The following KIAA1671 variants were observed in gnomAD, a reference collection of about 807,000 sequenced individuals.
KIAA1671 encodes the protein uncharacterized protein KIAA1671.
Under a neutral mutation model 131.2 loss-of-function variants are expected in KIAA1671, and 52 were observed. The ratio of observed to expected loss-of-function variants is 0.40; its 90% CI spans 0.32 to 0.50. The LOEUF is 0.50. KIAA1671 is among the 20% of genes least tolerant of loss of function. KIAA1671 has a pLI of 0.73. For missense variants in KIAA1671, 2,360 were observed against 2,364.2 expected (o/e 1.00, Z 0.04); for synonymous variants, 1,003 against 961.6 (o/e 1.04, Z -0.80).
intron 1 of KIAA1671, among the ~76,000 whole-genome samples, chr22:24,989,307 C>T (rs770190292): frequency 2.0e-5 from 3 of 152,174 alleles, no homozygotes; most frequent in Non-Finnish European, 2.9e-5. Context: ...AGTTTATTCC[C>T]CACTGGGTGC....
intron 1 of KIAA1671, among the ~76,000 whole-genome samples, chr22:24,996,413 T>A (rs1418240666): frequency 6.6e-6 from 1 of 152,142 alleles, no homozygotes; most frequent in African/African-American, 2.4e-5. Context: ...GCCCCTGGGT[T>A]GGCCACTGGA....
chr22:24,992,470 T>C (rs1395721430), intron 1 of KIAA1671, among the ~76,000 whole-genome samples: 1 of 152,108 alleles, frequency 6.6e-6, no homozygotes, highest in Non-Finnish European at 1.5e-5. Context: ...TATCTCTGGC[T>C]CCTAGTACAG....
chr22:25,007,300 A>G (rs917159800), intron 1 of KIAA1671, among the ~76,000 whole-genome samples: 1 of 152,080 alleles, frequency 6.6e-6, no homozygotes. Context: ...ATCCTGGCCA[A>G]CATGGTGAAA....
intron 6 of KIAA1671, among the ~76,000 whole-genome samples, chr22:25,079,976 C>A (rs1400468252): frequency 1.3e-5 from 2 of 152,024 alleles, no homozygotes; most frequent in African/African-American, 4.8e-5. Flanking sequence ...GAGAAGTGGG[C>A]AGATTCTGGA....
intron 6 of KIAA1671, among the ~76,000 whole-genome samples, chr22:25,128,757 G>A (rs1932300484): frequency 6.6e-6 from 1 of 152,194 alleles, no homozygotes; most frequent in Non-Finnish European, 1.5e-5. Flanking sequence ...TAGACTCACA[G>A]ATCTCCATTT....
intron 6 of KIAA1671, chr22:25,055,924 A>T (rs1332732572): frequency 1.3e-5 from 2 of 149,516 alleles, no homozygotes; most frequent in African/African-American, 4.9e-5. Flanking sequence ...CGGTGGCATG[A>T]TCTCGGCTCA....
At chr22:25,164,074 C>T (rs1454978202) in intron 6 of KIAA1671, among the ~76,000 whole-genome samples, 5 of 152,210 alleles carry the variant, frequency 3.3e-5, no homozygotes, top group African/African-American at 9.7e-5. Context: ...AGAGTTCTCA[C>T]CTTCCAGTGG....
At chr22:24,991,525 C>T (rs1250010320) in intron 1 of KIAA1671, among the ~76,000 whole-genome samples, 2 of 150,944 alleles carry the variant, frequency 1.3e-5, no homozygotes, top group Non-Finnish European at 2.9e-5. Context: ...GGCAGGATCT[C>T]GGCTCACTGC....
At chr22:25,091,552 A>G (rs997814913) in intron 6 of KIAA1671, among the ~76,000 whole-genome samples, 1 of 152,200 alleles carries the variant, frequency 6.6e-6, no homozygotes, top group South Asian at 2.1e-4. Flanking sequence ...GAGAATGCCT[A>G]TTCTATATCA....
intron 6 of KIAA1671, among the ~76,000 whole-genome samples, chr22:25,152,171 G>C (rs1313584012): frequency 6.6e-6 from 1 of 152,180 alleles, no homozygotes; most frequent in Non-Finnish European, 1.5e-5. Context: ...TGGATACTTA[G>C]ATTGCTTCCA....
intron 6 of KIAA1671, among the ~76,000 whole-genome samples, chr22:25,108,525 G>A (rs1352041342): frequency 1.3e-5 from 2 of 152,186 alleles, no homozygotes; most frequent in East Asian, 3.8e-4. Flanking sequence ...CACTTTGGAT[G>A]CCAGAAGTCC....
At chr22:25,179,686 A>G in intron 9 of KIAA1671, 2 of 611,428 alleles carry the variant, frequency 3.3e-6, no homozygotes, top group South Asian at 4.0e-5. Flanking sequence ...TTTGAAGGTT[A>G]GTATATTAAT....
At chr22:25,005,631 G>T (rs754301502) in intron 1 of KIAA1671, among the ~76,000 whole-genome samples, 30 of 152,188 alleles carry the variant, frequency 2.0e-4, no homozygotes, top group Non-Finnish European at 4.0e-4. Context: ...CTGCCTCGTG[G>T]TAGTGTCCCC....
At position 24,983,774 on chromosome 22, in the gene KIAA1671, ATTTTTTTT is replaced by A. The variant is rs1164602658; in HGVS notation, c.-208+31016_-208+31023del. On this transcript the variant is annotated intron_variant, in intron 1 of 12. Coordinates refer to ENST00000358431, the MANE Select transcript of KIAA1671 (RefSeq NM_001145206.2). The stretch of plus-strand genomic sequence containing the variant: ...ATGGGGCCATGGAAAGGTGTTTGGA[ATTTTTTTT>A]TTTTTTTTTTTTTGAGACAGAGTTT... 6.0e-5 allele frequency among the ~76,000 whole-genome samples: 7 copies of A among 116,728 alleles called. No homozygotes were observed. In the South Asian group the frequency reaches 1.8e-3, roughly 30 times the overall value. 76.6% of individuals were successfully genotyped at this position (116,728 alleles called of 152,430 possible). A position where few individuals can be genotyped will look rare whatever the true frequency, so the allele number is the denominator to read the frequency against.
intron 4 of KIAA1671, among the ~76,000 whole-genome samples, chr22:25,034,929 G>A (rs1025175501): frequency 6.6e-6 from 1 of 151,568 alleles, no homozygotes; most frequent in South Asian, 2.1e-4. Flanking sequence ...AGTAGAGATG[G>A]GGTTTCACCG....
intron 1 of KIAA1671, among the ~76,000 whole-genome samples, chr22:24,989,608 T>C (rs980870186): frequency 6.6e-6 from 1 of 151,964 alleles, no homozygotes; most frequent in African/African-American, 2.4e-5. Context: ...TCAGGGGGGA[T>C]GCACTGGCCC....
chr22:25,093,824 T>TCTCTCTCTCTCTCTC (rs1555877745), intron 6 of KIAA1671, among the ~76,000 whole-genome samples: 2 of 21,920 alleles, frequency 9.1e-5, no homozygotes, highest in Admixed American at 8.8e-4. Context: ...CTCTCTCTCT[T>TCTCTCTCTCTCTCTC]TCTCTCTCTG....
At chr22:24,967,032 G>A (rs1399526937) in intron 1 of KIAA1671, among the ~76,000 whole-genome samples, 2 of 152,200 alleles carry the variant, frequency 1.3e-5, no homozygotes, top group Non-Finnish European at 2.9e-5. Flanking sequence ...CTTCTGTGCT[G>A]TGTGTTCTTG....
intron 11 of KIAA1671, 32 bp downstream of exon 11, chr22:25,185,151 C>G: frequency 2.6e-6 from 4 of 1,521,108 alleles, no homozygotes; most frequent in Non-Finnish European, 3.5e-6. Flanking sequence ...GGGTCCCTCT[C>G]CTTCCAAACT....
Sources: gnomAD v4.1 joint callset for allele counts (sites outside exome capture counted in the v4.1 genomes callset) on GRCh38, gnomAD v4.1.1 for gene constraint, MANE v1.5 for transcripts, NCBI Gene and HGNC (gene_info 2026-07-23, HGNC 2026-07-21) for gene names.